Variants in GALNT10 observed in about 807,000 individuals in gnomAD.
The protein encoded by GALNT10 is GalNAc transferase 10.
GALNT10 carries 41 observed loss-of-function variants against 75.0 expected under a neutral mutation model. The ratio of observed to expected loss-of-function variants is 0.55; its 90% CI spans 0.43 to 0.71. The LOEUF is 0.71. GALNT10 is among the 30% of genes least tolerant of loss of function. The pLI is 0.00. For synonymous variants in GALNT10, 302 were observed against 313.0 expected (o/e 0.96, Z 0.37); for missense variants, 727 against 818.5 (o/e 0.89, Z 1.36).
intron 4 of GALNT10, among the ~76,000 whole-genome samples, chr5:154,357,580 C>G (rs10053802): frequency 6.6e-6 from 1 of 151,894 alleles, no homozygotes; most frequent in East Asian, 1.9e-4. Flanking sequence ...CCTTATTTGG[C>G]CTTCAAAATA....
At position 154,419,605 on chromosome 5, in the gene GALNT10, T is replaced by C. The variant is rs2277937; in HGVS notation, c.*2633T>C. On this transcript the variant is annotated 3_prime_UTR_variant, in exon 12 of 12. Transcript: ENST00000297107. ...GGATGGGTGTGTCCTCTGAGCACTCTGGCATTTGTCATTGCTGAGCCCATA... is the reference window on the plus strand; with the variant it reads ...GGATGGGTGTGTCCTCTGAGCACTCCGGCATTTGTCATTGCTGAGCCCATA... 0.28 allele frequency: 42,527 copies of C among 152,102 alleles called. 6,164 individuals are homozygous for C. Among genetic ancestry groups the C allele is most frequent in the East Asian group, 0.52 (2,663 of 5,146 alleles). 9.4% of individuals were successfully genotyped at this position (152,102 alleles called of 1,614,324 possible).
At chr5:154,203,414 C>A (rs1448586538) in intron 1 of GALNT10, among the ~76,000 whole-genome samples, 14 of 152,212 alleles carry the variant, frequency 9.2e-5, no homozygotes, top group Non-Finnish European at 7.3e-5. Context: ...CTTATCCCTG[C>A]CAAATGGTTA....
chr5:154,206,862 C>A (rs1263249482), intron 1 of GALNT10, among the ~76,000 whole-genome samples: 2 of 152,214 alleles, frequency 1.3e-5, no homozygotes, highest in Non-Finnish European at 2.9e-5. Flanking sequence ...TTGATCAGGG[C>A]TAGGCCTCAG....
intron 1 of GALNT10, among the ~76,000 whole-genome samples, chr5:154,253,665 G>A (rs1161500461): frequency 6.7e-6 from 1 of 150,276 alleles, no homozygotes; most frequent in Admixed American, 6.6e-5. Context: ...TCAGAAGAAG[G>A]TGGGATTCAG....
chr5:154,413,127 C>T (rs527400587), intron 10 of GALNT10, 122 bp downstream of exon 10: 8 of 663,568 alleles, frequency 1.2e-5, no homozygotes, highest in East Asian at 8.2e-5. Context: ...GAGTCAGCCC[C>T]GGGGATGAGT....
At chr5:154,367,881 C>A (rs1236755204) in intron 4 of GALNT10, among the ~76,000 whole-genome samples, 1 of 151,226 alleles carries the variant, frequency 6.6e-6, no homozygotes, top group Non-Finnish European at 1.5e-5. Flanking sequence ...AAGAGAGAGA[C>A]TCAGTCTCAA....
chr5:154,359,708 G>A (rs1399399785), intron 4 of GALNT10, among the ~76,000 whole-genome samples: 1 of 151,236 alleles, frequency 6.6e-6, no homozygotes, highest in African/African-American at 2.4e-5. Flanking sequence ...CCAAGATTTT[G>A]ACCAGCTCTA....
At chr5:154,252,415 C>T (rs536082554) in intron 1 of GALNT10, among the ~76,000 whole-genome samples, 3 of 152,212 alleles carry the variant, frequency 2.0e-5, no homozygotes, top group Non-Finnish European at 4.4e-5. Flanking sequence ...AACAGTTTTG[C>T]CCTTTATACT....
At chr5:154,248,287 C>G (rs1753463561) in intron 1 of GALNT10, among the ~76,000 whole-genome samples, 1 of 152,176 alleles carries the variant, frequency 6.6e-6, no homozygotes, top group Non-Finnish European at 1.5e-5. Flanking sequence ...TTTGTTGCGT[C>G]TCTGCCAGGC....
intron 1 of GALNT10, among the ~76,000 whole-genome samples, chr5:154,286,216 C>T (rs1233359196): frequency 1.3e-5 from 2 of 152,196 alleles, no homozygotes; most frequent in Admixed American, 6.5e-5. Context: ...GGACCCCGTC[C>T]GTCTTCCTCA....
At chr5:154,305,866 A>G (rs1754425968) in intron 3 of GALNT10, among the ~76,000 whole-genome samples, 1 of 152,126 alleles carries the variant, frequency 6.6e-6, no homozygotes, top group Non-Finnish European at 1.5e-5. Context: ...AAAAATACAA[A>G]AATTAGCCAG....
chr5:154,318,354 A>G (rs1754628169), intron 3 of GALNT10, among the ~76,000 whole-genome samples: 1 of 152,188 alleles, frequency 6.6e-6, no homozygotes, highest in Non-Finnish European at 1.5e-5. Context: ...TCAAACACCT[A>G]CTTAGTTTCC....
rs1755657463 is a variant in GALNT10 at position 154,376,745 on chromosome 5, C to G, written c.754+283C>G. On this transcript the variant is annotated intron_variant, in intron 5 of 11. Coordinates refer to ENST00000297107, the MANE Select transcript of GALNT10 (RefSeq NM_198321.4). This position sits in a 1 kb window ranked among gnomAD's most constrained non-coding sequence, Gnocchi z 4.1. The stretch of plus-strand genomic sequence containing the variant: ...AGCATCTAGTGACATGACGGCTTTC[C>G]TCAGATGACTTCATTTTATTGCAAA... Among the ~76,000 whole-genome samples the G allele has an allele frequency of 6.6e-6, 1 of 152,158 alleles. No individual in the cohort carries two copies. Among genetic ancestry groups the G allele is most frequent in the Admixed American group, 6.5e-5 (1 of 15,278 alleles).
intron 1 of GALNT10, among the ~76,000 whole-genome samples, chr5:154,291,478 A>G (rs1754194714): frequency 6.6e-6 from 1 of 152,178 alleles, no homozygotes; most frequent in African/African-American, 2.4e-5. Flanking sequence ...CTGCACATTA[A>G]AATTTGAGAA....
chr5:154,409,720 A>C lies in GALNT10; in HGVS notation c.1344A>C (p.Lys448Asn). 6.2e-7 allele frequency: 1 copy of C among 1,614,122 alleles called. No individual in the cohort carries two copies. Among genetic ancestry groups the C allele is most frequent in the South Asian group, 1.1e-5 (1 of 91,084 alleles). Residue 448 changes from lysine (K) to asparagine (N), a missense_variant, in exon 9 of 12, where the codon AAA becomes AAC. Transcript: ENST00000297107. This position sits in a 1 kb window ranked among gnomAD's most constrained non-coding sequence, Gnocchi z 4.5. ...FMTKIAWDLP[K>N]FYPPVEPPAA... ...CGAAGATAGCCTGGGACCTGCCCAA[A>C]TTCTACCCACCCGTGGAGCCCCCGG...
intron 6 of GALNT10, among the ~76,000 whole-genome samples, 180 bp downstream of exon 6, chr5:154,380,811 A>G (rs1198402572): frequency 3.9e-5 from 6 of 152,062 alleles, no homozygotes; most frequent in Non-Finnish European, 7.4e-5. Context: ...CCAGCTTGTA[A>G]CAACCTCAGC....
chr5:154,351,490 A>G (rs1379195440), intron 4 of GALNT10, among the ~76,000 whole-genome samples: 1 of 152,216 alleles, frequency 6.6e-6, no homozygotes, highest in East Asian at 1.9e-4. Context: ...TGTTTTCCAA[A>G]TTTTCTACAA....
chr5:154,227,372 C>T (rs2081015), intron 1 of GALNT10, among the ~76,000 whole-genome samples: 63,536 of 151,920 alleles, frequency 0.42, 14,133 homozygotes, highest in East Asian at 0.84. Flanking sequence ...GATATCTTAA[C>T]GTGGTTTTAA....
At chr5:154,191,778 G>C (rs969993076) in intron 1 of GALNT10, among the ~76,000 whole-genome samples, 2 of 152,252 alleles carry the variant, frequency 1.3e-5, no homozygotes, top group African/African-American at 2.4e-5. Context: ...TTGGTGCCCA[G>C]TGTCCTGAGG....
Sources: gnomAD v4.1 joint callset for allele counts (sites outside exome capture counted in the v4.1 genomes callset) on GRCh38, gnomAD v4.1.1 for gene constraint, Gnocchi (gnomAD v3.1) non-coding constraint, MANE v1.5 for transcripts, NCBI Gene and HGNC (gene_info 2026-07-23, HGNC 2026-07-21) for gene names.